The following TSNARE1 variants were observed in gnomAD, a reference collection of about 807,000 sequenced individuals.
The protein encoded by TSNARE1 is t-SNARE domain-containing protein 1.
Under a neutral mutation model 62.0 loss-of-function variants are expected in TSNARE1, and 49 were observed. The observed-to-expected ratio is 0.79, with a 90% CI of 0.63 to 1.00. The LOEUF (loss-of-function observed/expected upper bound fraction) is 1.00, where lower values mean the gene tolerates loss of function less well. Ranked by LOEUF, TSNARE1 falls within the 50% of genes least tolerant of loss-of-function variation. TSNARE1 has a pLI of 0.00. For synonymous variants in TSNARE1, 328 were observed against 294.4 expected, an observed-to-expected ratio of 1.11 and a Z score of -1.17; for missense variants, 755 against 700.1, an observed-to-expected ratio of 1.08 and a Z score of -0.88.
chr8:142,359,334 C>T (rs918780731), intron 1 of TSNARE1, among the ~76,000 whole-genome samples: 1 of 152,152 alleles, frequency 6.6e-6, no homozygotes, highest in Non-Finnish European at 1.5e-5. Flanking sequence ...CCGCTGGAGC[C>T]GTCCTCACCC....
intron 9 of TSNARE1, among the ~76,000 whole-genome samples, chr8:142,304,810 C>T (rs766459329): frequency 3.3e-5 from 5 of 152,184 alleles, no homozygotes; most frequent in South Asian, 2.1e-4. Context: ...CTGTGAGCTA[C>T]GGGGTAGAGA....
intron 13 of TSNARE1, among the ~76,000 whole-genome samples, chr8:142,216,313 G>A (rs1815835174): frequency 6.6e-6 from 1 of 152,174 alleles, no homozygotes; most frequent in African/African-American, 2.4e-5. Flanking sequence ...GGACGCTGGT[G>A]CAGTGCAGAG....
chr8:142,283,508 A>G (rs866907342), intron 11 of TSNARE1, among the ~76,000 whole-genome samples: 2,444 of 40,128 alleles, frequency 0.061, 45 homozygotes, highest in Middle Eastern at 0.17. Context: ...CGGAGGCGGG[A>G]CCAGTGTCTG....
intron 10 of TSNARE1, among the ~76,000 whole-genome samples, chr8:142,296,918 G>C (rs896015220): frequency 3.9e-5 from 6 of 152,138 alleles, no homozygotes; most frequent in Non-Finnish European, 8.8e-5. Flanking sequence ...ACTGTCTCCC[G>C]TGGGTGGCCT....
chr8:142,271,079 G>A (rs1022599901), intron 12 of TSNARE1: 4 of 985,860 alleles, frequency 4.1e-6, no homozygotes, highest in South Asian at 4.7e-5. Context: ...CAGCACCCCC[G>A]ACCAGCCCTA....
intron 2 of TSNARE1, among the ~76,000 whole-genome samples, chr8:142,353,726 G>A (rs542885418): frequency 3.3e-5 from 5 of 152,296 alleles, no homozygotes; most frequent in Admixed American, 6.5e-5. Context: ...CCAGAGCCCC[G>A]GCAAGAGCCA....
At chr8:142,268,276 G>A (rs1215274324) in intron 12 of TSNARE1, among the ~76,000 whole-genome samples, 1 of 152,244 alleles carries the variant, frequency 6.6e-6, no homozygotes, top group Non-Finnish European at 1.5e-5. Context: ...AGTGCAAAGG[G>A]CACGTGTGCA....
intron 4 of TSNARE1, among the ~76,000 whole-genome samples, chr8:142,332,987 C>G (rs1458077234): frequency 6.6e-6 from 1 of 152,236 alleles, no homozygotes; most frequent in Admixed American, 6.5e-5. Flanking sequence ...AAACTCCAGG[C>G]ACGCAACACA....
At chr8:142,305,905 G>A (rs1046535643) in intron 9 of TSNARE1, among the ~76,000 whole-genome samples, 5 of 152,206 alleles carry the variant, frequency 3.3e-5, no homozygotes, top group African/African-American at 9.6e-5. Flanking sequence ...GGGCACACAC[G>A]GTTTCCCGTG....
intron 1 of TSNARE1, among the ~76,000 whole-genome samples, chr8:142,399,109 C>T (rs1282960450): frequency 6.6e-6 from 1 of 152,254 alleles, no homozygotes; most frequent in South Asian, 2.1e-4. Flanking sequence ...ACACCCCGCC[C>T]ATAAGGCATC....
At chr8:142,303,262 G>A (rs181402688) in intron 9 of TSNARE1, among the ~76,000 whole-genome samples, 138 of 152,208 alleles carry the variant, frequency 9.1e-4, no homozygotes, top group African/African-American at 3.1e-3. Context: ...CTCTGTGAGC[G>A]CTCCTGGGGA....
intron 1 of TSNARE1, among the ~76,000 whole-genome samples, chr8:142,402,016 C>G (rs1158335154): frequency 6.6e-6 from 1 of 152,112 alleles, no homozygotes; most frequent in East Asian, 1.9e-4. Context: ...AGAAAACAAG[C>G]AGATGAGTGA....
intron 1 of TSNARE1, among the ~76,000 whole-genome samples, chr8:142,381,911 C>G (rs1836780865): frequency 6.6e-6 from 1 of 152,188 alleles, no homozygotes; most frequent in South Asian, 2.1e-4. Flanking sequence ...TGAGTCACAG[C>G]CACGGCTCAT....
intron 7 of TSNARE1, among the ~76,000 whole-genome samples, chr8:142,315,448 G>A (rs1828383686): frequency 6.6e-6 from 1 of 152,234 alleles, no homozygotes; most frequent in Admixed American, 6.5e-5. Context: ...GGTCACATAG[G>A]TGGTGGGGCC....
At chr8:142,335,977 C>T (rs1384166969) in intron 4 of TSNARE1, among the ~76,000 whole-genome samples, 2 of 152,056 alleles carry the variant, frequency 1.3e-5, no homozygotes, top group Admixed American at 1.3e-4. Context: ...AGAGCTTCTC[C>T]GATGAGAGTA....
chr8:142,284,346 G>GT, intron 11 of TSNARE1, 67 bp downstream of exon 11: 2 of 1,333,016 alleles, frequency 1.5e-6, no homozygotes, highest in East Asian at 4.6e-5. Context: ...GTGAAGGGGT[G>GT]AGGGCTGGGG....
chr8:142,327,258 G>C (rs1389988141), intron 6 of TSNARE1, among the ~76,000 whole-genome samples: 1 of 152,186 alleles, frequency 6.6e-6, no homozygotes, highest in South Asian at 2.1e-4. Context: ...TGAGACAGAG[G>C]GGTGCAGTTC....
At chr8:142,280,324 C>A (rs1292204798) in intron 11 of TSNARE1, 1 of 985,250 alleles carries the variant, frequency 1.0e-6, no homozygotes, top group Admixed American at 6.1e-5. Context: ...GCTGCTGGAC[C>A]CTGGAAAGGC....
At chr8:142,228,421 C>T (rs562240553) in intron 13 of TSNARE1, among the ~76,000 whole-genome samples, 4 of 152,238 alleles carry the variant, frequency 2.6e-5, no homozygotes, top group African/African-American at 9.6e-5. Flanking sequence ...CCAGTGCCAG[C>T]CATGTGTCTC....
Sources: gnomAD v4.1 joint callset for allele counts (sites outside exome capture counted in the v4.1 genomes callset) on GRCh38, gnomAD v4.1.1 for gene constraint, MANE v1.5 for transcripts, NCBI Gene and HGNC (gene_info 2026-07-23, HGNC 2026-07-21) for gene names.